Variants in MCM5 observed in about 807,000 individuals in gnomAD.
MCM5 encodes minichromosome maintenance complex component 5.
Under a neutral mutation model 79.9 loss-of-function variants are expected in MCM5, and 46 were observed. The ratio of observed to expected loss-of-function variants is 0.58; its 90% confidence interval spans 0.45 to 0.74. The LOEUF is 0.74. Ranked by LOEUF, MCM5 falls within the 30% of genes least tolerant of loss-of-function variation. MCM5 has a pLI of 0.00. For synonymous variants in MCM5, 404 were observed against 390.5 expected (o/e 1.03, Z -0.41); for missense variants, 883 against 1,017.0 (o/e 0.87, Z 1.79).
the MCM5 span, among the ~76,000 whole-genome samples, chr22:35,451,976 G>C: frequency 6.6e-6 from 1 of 152,224 alleles, no homozygotes; most frequent in African/African-American, 2.4e-5. Flanking sequence ...CAGGGTGATG[G>C]GGTGGGAGGG....
At chr22:35,402,607 G>A (rs886748323) in intron 2 of MCM5, among the ~76,000 whole-genome samples, 4 of 151,640 alleles carry the variant, frequency 2.6e-5, no homozygotes, top group African/African-American at 9.7e-5. Flanking sequence ...AGGCTGGAGT[G>A]CCCTGGCGAG....
At chr22:35,419,588 A>G (rs565187320) in intron 13 of MCM5, among the ~76,000 whole-genome samples, 15 of 152,374 alleles carry the variant, frequency 9.8e-5, no homozygotes, top group African/African-American at 2.9e-4. Flanking sequence ...GACACCACAC[A>G]GCGTCTAACA....
rs1295337226 is a variant in MCM5 at position 35,416,827 on chromosome 22, G to T, written c.1590+13G>T. 1 of 1,611,328 alleles carries T rather than the reference G, an allele frequency of 6.2e-7. No homozygotes were observed. Among genetic ancestry groups the T allele is most frequent in the South Asian group, 1.1e-5 (1 of 90,998 alleles). On this transcript the variant is annotated intron_variant, in intron 12 of 16. Transcript: ENST00000216122. ...GGAGAGGGATGTGGTACGTCCAGGG[G>T]CAGGGCTGGTGGCCATGGGACCTGC...
the MCM5 span, among the ~76,000 whole-genome samples, chr22:35,432,701 C>CTG: frequency 7.2e-5 from 11 of 151,796 alleles, no homozygotes; most frequent in Admixed American, 2.6e-4. Flanking sequence ...TCATCTGGCT[C>CTG]TGTGTGTGTG....
At chr22:35,454,045 A>G in the MCM5 span, among the ~76,000 whole-genome samples, 195 of 152,154 alleles carry the variant, frequency 1.3e-3, no homozygotes, top group African/African-American at 4.3e-3. Flanking sequence ...ACAGAGACAG[A>G]CAGAGATAGA....
At chr22:35,442,067 C>T in the MCM5 span, among the ~76,000 whole-genome samples, 3 of 114,674 alleles carry the variant, frequency 2.6e-5, no homozygotes, top group Admixed American at 8.5e-5. Context: ...GAGCTACTCC[C>T]TGCTCAGGAA....
chr22:35,425,098 G>T lies in MCM5; in HGVS notation c.*843G>T, dbSNP rs1932766409. The T allele has an allele frequency of 6.6e-6, 1 of 152,202 alleles. No homozygotes were observed. Among genetic ancestry groups the T allele is most frequent in the African/African-American group, 2.4e-5 (1 of 41,454 alleles). The allele number at this position is 152,202 out of a possible 1,614,324, so 9.4% of individuals were successfully genotyped here. ...GGGATTCCTCACCCTGAGTTGTGAG[G>T]ATTGAATGACAGAAGGCACTAGTGA... On this transcript the variant is annotated 3_prime_UTR_variant, in exon 17 of 17. Transcript: ENST00000216122.
intron 16 of MCM5, 113 bp downstream of exon 16, chr22:35,423,454 A>G (rs2145804242): frequency 1.6e-6 from 2 of 1,223,818 alleles, no homozygotes. Context: ...GAACGGGGGT[A>G]GGATGGACAA....
the MCM5 span, among the ~76,000 whole-genome samples, chr22:35,446,732 C>G: frequency 6.6e-6 from 1 of 152,174 alleles, no homozygotes; most frequent in Non-Finnish European, 1.5e-5. Flanking sequence ...ATTGGCTTCT[C>G]CTCTAGTCCT....
chr22:35,437,554 C>A, the MCM5 span, among the ~76,000 whole-genome samples: 3 of 152,204 alleles, frequency 2.0e-5, no homozygotes, highest in East Asian at 5.8e-4. Context: ...TTGTGAATTT[C>A]TTTGTATGTC....
At chr22:35,448,081 A>G in the MCM5 span, among the ~76,000 whole-genome samples, 1 of 152,068 alleles carries the variant, frequency 6.6e-6, no homozygotes, top group Non-Finnish European at 1.5e-5. Flanking sequence ...GCGGTGTCTC[A>G]TGTCTGCTGA....
Position 35,412,685 on chromosome 22 carries a change from G to A in MCM5, c.1091+4G>A, listed in dbSNP as rs1020491571. The A allele has an allele frequency of 5.5e-6, 8 of 1,463,220 alleles. No homozygotes were observed. Among genetic ancestry groups the A allele is most frequent in the Non-Finnish European group, 7.3e-6 (8 of 1,096,680 alleles). 90.6% of individuals were successfully genotyped at this position (1,463,220 alleles called of 1,614,324 possible). On this transcript the variant is annotated splice_donor_region_variant and intron_variant, in intron 8 of 16. Coordinates refer to ENST00000216122, the MANE Select transcript of MCM5 (RefSeq NM_006739.4). ...TCTTTGGGGGCTCCCGAAAGAGGTA[G>A]GGGCTTGAGTTCCCTTGGGTTTGGG...
At chr22:35,441,092 C>T in the MCM5 span, among the ~76,000 whole-genome samples, 6 of 151,636 alleles carry the variant, frequency 4.0e-5, no homozygotes, top group East Asian at 1.9e-4. Flanking sequence ...TCCCAGTGAC[C>T]GTATGGTGAA....
At chr22:35,435,356 C>T in the MCM5 span, among the ~76,000 whole-genome samples, 1,336 of 152,176 alleles carry the variant, frequency 8.8e-3, 6 homozygotes, top group Non-Finnish European at 0.014. Context: ...CTCAGGGCCG[C>T]GGTGGGGCCT....
downstream of MCM5, among the ~76,000 whole-genome samples, chr22:35,425,745 A>G (rs780373521): frequency 1.3e-4 from 20 of 151,824 alleles, no homozygotes; most frequent in Non-Finnish European, 2.4e-4. Context: ...TCTCAGGCCC[A>G]AGGTCCTCCC....
chr22:35,406,763 T>C (rs1932231551), intron 5 of MCM5, 38 bp downstream of exon 5: 1 of 1,594,164 alleles, frequency 6.3e-7, no homozygotes, highest in African/African-American at 1.3e-5. Flanking sequence ...GGAGGTGACC[T>C]GAGTGAAGAT....
chr22:35,400,155 G>A lies in MCM5; in HGVS notation c.-62G>A. On this transcript the variant is annotated 5_prime_UTR_variant, in exon 1 of 17. Coordinates refer to ENST00000216122, the MANE Select transcript of MCM5 (RefSeq NM_006739.4). ...CTTGTTTTTCCCGCGAAACTCGGCG[G>A]CTGAGCGTGGAGGTTCTTGTCTCCC... 2.4e-6 allele frequency: 1 copy of A among 417,268 alleles called. No homozygotes were observed. Among genetic ancestry groups the A allele is most frequent in the Non-Finnish European group, 4.4e-6 (1 of 226,938 alleles). The allele number at this position is 417,268 out of a possible 1,614,324, so 25.8% of individuals were successfully genotyped here.
At chr22:35,421,637 T>A in intron 15 of MCM5, 177 bp downstream of exon 15, 1 of 800,568 alleles carries the variant, frequency 1.2e-6, no homozygotes, top group Non-Finnish European at 2.1e-6. Context: ...TCCCCACCGC[T>A]GTTTCCTCCA....
chr22:35,408,465 A>G lies in MCM5; in HGVS notation c.654A>G (p.Lys218=), dbSNP rs775757101. 1 of 1,614,216 alleles carries G rather than the reference A, an allele frequency of 6.2e-7. No individual in the cohort carries two copies. Among genetic ancestry groups the G allele is most frequent in the South Asian group, 1.1e-5 (1 of 91,092 alleles). ...ACCCGTACTTCATCATGCCCGACAA[A>G]TGCAAATGCGTGGACTTCCAGACCC... ...PLDPYFIMPD[K]CKCVDFQTLK... Residue 218 remains lysine (K), a synonymous_variant, in exon 6 of 17, where the codon AAA becomes AAG. Coordinates refer to ENST00000216122, the MANE Select transcript of MCM5 (RefSeq NM_006739.4).
Sources: gnomAD v4.1 joint callset for allele counts (sites outside exome capture counted in the v4.1 genomes callset) on GRCh38, gnomAD v4.1.1 for gene constraint, MANE v1.5 for transcripts, NCBI Gene and HGNC (gene_info 2026-07-23, HGNC 2026-07-21) for gene names.